The following CALD1 variants were observed in gnomAD, a reference collection of about 807,000 sequenced individuals.
The protein encoded by CALD1 is caldesmon 1.
Under a neutral mutation model 99.9 loss-of-function variants are expected in CALD1, and 33 were observed. That is an observed-to-expected ratio of 0.33 (90% CI 0.25 to 0.44). CALD1 has a LOEUF of 0.44. Ranked by LOEUF, CALD1 falls within the 20% of genes least tolerant of loss-of-function variation. CALD1 has a pLI of 1.00. For synonymous variants in CALD1, 310 were observed against 325.0 expected, an observed-to-expected ratio of 0.95 and a Z score of 0.50; for missense variants, 861 against 962.1, an observed-to-expected ratio of 0.89 and a Z score of 1.39.
intron 1 of CALD1, among the ~76,000 whole-genome samples, chr7:134,832,007 G>C (rs923482913): frequency 6.6e-6 from 1 of 152,220 alleles, no homozygotes; most frequent in African/African-American, 2.4e-5. Context: ...CGTGATCCTA[G>C]GACTTTTATA....
intron 1 of CALD1, among the ~76,000 whole-genome samples, chr7:134,765,862 T>G (rs141485660): frequency 1.3e-5 from 2 of 152,192 alleles, no homozygotes; most frequent in Non-Finnish European, 1.5e-5. Context: ...GGATTTCTCA[T>G]GAATGATTTA....
intron 1 of CALD1, among the ~76,000 whole-genome samples, chr7:134,763,317 T>C (rs1372016628): frequency 6.6e-6 from 1 of 152,168 alleles, no homozygotes; most frequent in Non-Finnish European, 1.5e-5. Flanking sequence ...GCAGTGTAAA[T>C]GGCAGGCAAA....
rs202093605 is a variant in CALD1 at position 134,938,641 on chromosome 7, T to TA, written c.1387-2442dup. Among the ~76,000 whole-genome samples the TA allele has an allele frequency of 4.0e-4, 61 of 151,138 alleles. No homozygotes were observed. The East Asian group carries it at 8.7e-3, about 22-fold the overall frequency. Reference sequence around the variant, plus strand: ...TTTGGGTTAAATCTGCCATAACATCTAAAAAAAAATGTAAAGGCTCTACGG... The same window carrying TA: ...TTTGGGTTAAATCTGCCATAACATCTAAAAAAAAAATGTAAAGGCTCTACGG... On this transcript the variant is annotated intron_variant, in intron 6 of 14. Coordinates refer to ENST00000361675, the MANE Select transcript of CALD1 (RefSeq NM_033138.4).
chr7:134,737,855 G>T, the CALD1 span, among the ~76,000 whole-genome samples: 388 of 152,288 alleles, frequency 2.5e-3, 3 homozygotes, highest in African/African-American at 8.6e-3. Flanking sequence ...TTATTAGCCA[G>T]GGACCAGTTT....
chr7:134,933,253 A>G lies in CALD1; in HGVS notation c.484A>G (p.Ile162Val). The change falls in exon 5 of 15, where the codon ATA becomes GTA. Residue 162 changes from isoleucine to valine, a missense_variant. Coordinates refer to ENST00000361675, the MANE Select transcript of CALD1 (RefSeq NM_033138.4). ...KSESRQERYE[I>V]EETETVTKSY... is the part of the protein sequence containing the mutation. ...TGAAAGTCGCCAAGAAAGATACGAG[A>G]TAGAGGAAACAGAAACAGTCACCAA... The G allele has an allele frequency of 1.9e-6, 3 of 1,609,092 alleles. No individual in the cohort carries two copies. Among genetic ancestry groups the G allele is most frequent in the Non-Finnish European group, 2.5e-6 (3 of 1,178,104 alleles).
chr7:134,856,838 C>G (rs1800323740), intron 2 of CALD1, among the ~76,000 whole-genome samples: 1 of 152,206 alleles, frequency 6.6e-6, no homozygotes, highest in Non-Finnish European at 1.5e-5. Flanking sequence ...GAGAAACAGC[C>G]TTTTGATAAC....
chr7:134,814,041 A>T (rs931857333), intron 1 of CALD1, among the ~76,000 whole-genome samples: 1 of 152,186 alleles, frequency 6.6e-6, no homozygotes, highest in Non-Finnish European at 1.5e-5. Flanking sequence ...GGAAAGAGTT[A>T]AAACCAGGAG....
Position 134,933,901 on chromosome 7 carries a change from G to T in CALD1, c.1132G>T (p.Glu378Ter). The change falls in exon 5 of 15, where the codon GAA (glutamate) becomes TAA (stop). Residue 378 changes from glutamate (E) to a stop codon, truncating the protein, a stop_gained. Coordinates refer to ENST00000361675, the MANE Select transcript of CALD1 (RefSeq NM_033138.4). LOFTEE classifies it high-confidence loss of function. ...EERQRARAEE[E>*]EKAKVEEQKR... is the part of the protein sequence containing the mutation. Reference sequence around the variant, plus strand: ...GAGGCAAAGGGCCAGGGCAGAGGAGGAAGAGAAGGCTAAGGTAGAAGAGCA... The same window carrying T: ...GAGGCAAAGGGCCAGGGCAGAGGAGTAAGAGAAGGCTAAGGTAGAAGAGCA... 1 of 1,613,918 alleles carries T rather than the reference G, an allele frequency of 6.2e-7. No individual in the cohort carries two copies. The highest frequency in any genetic ancestry group is 8.5e-7 in the Non-Finnish European group (1 of 1,179,882).
At chr7:134,831,834 A>G (rs1799235743) in intron 1 of CALD1, among the ~76,000 whole-genome samples, 1 of 152,132 alleles carries the variant, frequency 6.6e-6, no homozygotes, top group Non-Finnish European at 1.5e-5. Flanking sequence ...GAAAGAATTC[A>G]ACTGAGGGGC....
At chr7:134,847,982 C>G (rs923373967) in intron 2 of CALD1, among the ~76,000 whole-genome samples, 1 of 152,148 alleles carries the variant, frequency 6.6e-6, no homozygotes, top group Admixed American at 6.5e-5. Flanking sequence ...AGGACACAGA[C>G]TCAATTGCTT....
At chr7:134,796,337 A>G (rs1307505361) in intron 1 of CALD1, among the ~76,000 whole-genome samples, 1 of 152,210 alleles carries the variant, frequency 6.6e-6, no homozygotes, top group Non-Finnish European at 1.5e-5. Context: ...TCTTTAATAC[A>G]AAAGGATGTT....
chr7:134,896,675 C>T (rs71532821), intron 3 of CALD1, among the ~76,000 whole-genome samples: 7,098 of 152,250 alleles, frequency 0.047, 181 homozygotes, highest in African/African-American at 0.063. Flanking sequence ...TTGCTGTCTG[C>T]GTTTTTCCCT....
At chr7:134,920,747 T>G (rs969636617) in intron 3 of CALD1, 4 of 1,073,586 alleles carry the variant, frequency 3.7e-6, no homozygotes, top group Non-Finnish European at 5.0e-6. Flanking sequence ...TCAAAAATGG[T>G]GAACTTCAAT....
intron 1 of CALD1, among the ~76,000 whole-genome samples, chr7:134,785,297 C>T (rs548087068): frequency 9.9e-5 from 15 of 152,258 alleles, no homozygotes; most frequent in Non-Finnish European, 2.2e-4. Context: ...AAGAATCATC[C>T]ATCTCAGAAA....
chr7:134,736,770 C>G, the CALD1 span, among the ~76,000 whole-genome samples: 4 of 152,144 alleles, frequency 2.6e-5, no homozygotes, highest in Non-Finnish European at 4.4e-5. Flanking sequence ...AGAATTCATG[C>G]TTTTCATCCA....
intron 1 of CALD1, among the ~76,000 whole-genome samples, chr7:134,817,555 C>T (rs17168063): frequency 0.044 from 6,724 of 152,212 alleles, 481 homozygotes; most frequent in African/African-American, 0.15. Context: ...TAAAAACTGT[C>T]CCTTTAACTG....
chr7:134,944,580 A>G (rs1226701123), intron 7 of CALD1: 2 of 151,934 alleles, frequency 1.3e-5, no homozygotes, highest in Non-Finnish European at 2.9e-5. Context: ...TCTTGAGCCC[A>G]TTTCTTGTTT....
intron 3 of CALD1, among the ~76,000 whole-genome samples, chr7:134,904,300 G>A (rs538767428): frequency 1.3e-5 from 2 of 152,138 alleles, no homozygotes; most frequent in African/African-American, 4.8e-5. Flanking sequence ...ATGCCAGCTG[G>A]CCATGCATGG....
intron 3 of CALD1, among the ~76,000 whole-genome samples, chr7:134,893,827 T>C (rs558486178): frequency 6.6e-6 from 1 of 152,254 alleles, no homozygotes; most frequent in East Asian, 1.9e-4. Flanking sequence ...GCCTGGGAGA[T>C]AGGTCTATGC....
Sources: gnomAD v4.1 joint callset for allele counts (sites outside exome capture counted in the v4.1 genomes callset) on GRCh38, gnomAD v4.1.1 for gene constraint, MANE v1.5 for transcripts, NCBI Gene and HGNC (gene_info 2026-07-23, HGNC 2026-07-21) for gene names.